GJA5: variants seen among roughly 807,000 people sequenced by gnomAD.
GJA5 encodes gap junction protein alpha 5.
Under a neutral mutation model 7.9 loss-of-function variants are expected in GJA5, and 3 were observed. The observed-to-expected ratio is 0.38, with a 90% CI of 0.17 to 0.99. The LOEUF (loss-of-function observed/expected upper bound fraction) is 0.99. Ranked by LOEUF, GJA5 falls within the 50% of genes least tolerant of loss-of-function variation. The probability of loss-of-function intolerance (pLI) is 0.38; values close to 1 mark genes in which losing one functional copy is unlikely to be tolerated. For synonymous variants in GJA5, 193 were observed against 181.0 expected, an observed-to-expected ratio of 1.07 and a Z score of -0.53; for missense variants, 390 against 457.9, an observed-to-expected ratio of 0.85 and a Z score of 1.35.
intron 1 of GJA5, among the ~76,000 whole-genome samples, chr1:147,770,479 G>A (rs1441595018): frequency 6.6e-6 from 1 of 151,958 alleles, no homozygotes; most frequent in Non-Finnish European, 1.5e-5. Flanking sequence ...ATACCTCCTT[G>A]GAATTATATG....
In GJA5 at chr1:147,758,062, C is replaced by G; in HGVS notation, c.*100G>C. ...AGACCCGGGGCTCAAAGGAGCCAAG[C>G]AGTGATGACAGTGAGAAAGCATCAG... On this transcript the variant is annotated 3_prime_UTR_variant, in exon 2 of 2. Transcript: ENST00000579774. 2 of 860,310 alleles carry G rather than the reference C, an allele frequency of 2.3e-6. No individual in the cohort carries two copies. The highest frequency in any genetic ancestry group is 4.0e-6 in the Non-Finnish European group (2 of 500,456). The allele number at this position is 860,310 out of a possible 1,614,324, so 53.3% of individuals were successfully genotyped here.
chr1:147,757,770 A>G lies in GJA5; in HGVS notation c.*392T>C. On this transcript the variant is annotated 3_prime_UTR_variant, in exon 2 of 2. Transcript: ENST00000579774. ...CTTCCTTGGAGGAGGGAGGGTGATC[A>G]GGTCAAGGAGGTAGGAACTTAGAGA... The G allele has an allele frequency of 8.7e-6, 2 of 229,306 alleles. No individual in the cohort carries two copies. Among genetic ancestry groups the G allele is most frequent in the Non-Finnish European group, 1.7e-5 (2 of 115,798 alleles). 14.2% of individuals were successfully genotyped at this position (229,306 alleles called of 1,614,324 possible). A position where few individuals can be genotyped will look rare whatever the true frequency, so the allele number is the denominator to read the frequency against.
intron 1 of GJA5, among the ~76,000 whole-genome samples, chr1:147,767,837 C>A (rs1481143789): frequency 2.0e-5 from 3 of 152,202 alleles, no homozygotes; most frequent in Non-Finnish European, 4.4e-5. Context: ...GAAGTTCCTT[C>A]TTTGGAAAAT....
chr1:147,756,947 G>C lies in GJA5; in HGVS notation c.*1215C>G, dbSNP rs782435396. 1 of 152,186 alleles carries C rather than the reference G, an allele frequency of 6.6e-6. No homozygotes were observed. The highest frequency in any genetic ancestry group is 2.4e-5 in the African/African-American group (1 of 41,428). The allele number at this position is 152,186 out of a possible 1,614,324, so 9.4% of individuals were successfully genotyped here. ...TCTTTAAATAAAGGCCCTGCCAAGA[G>C]AGCTGGAGATTCCCCTACTATTTCC... On this transcript the variant is annotated 3_prime_UTR_variant, in exon 2 of 2. Transcript: ENST00000579774.
chr1:147,767,678 A>G (rs1472689542), intron 1 of GJA5, among the ~76,000 whole-genome samples: 2 of 151,634 alleles, frequency 1.3e-5, no homozygotes, highest in East Asian at 3.9e-4. Context: ...GATTACAGGC[A>G]TGAGCCACCA....
At position 147,759,067 on chromosome 1, in the gene GJA5, GA is replaced by G. The variant is rs1663880776; in HGVS notation, c.171del (p.Gln58SerfsTer101). 1.2e-6 allele frequency: 2 copies of G among 1,613,348 alleles called. No individual in the cohort carries two copies. Among genetic ancestry groups the G allele is most frequent in the Non-Finnish European group, 1.7e-6 (2 of 1,179,600 alleles). ...TAGCAGACATTCTGGCAGCCAGGCT[GA>G]ATCGTATCACACCGGAAATCAGCCT... ...DEQADFRCDT[I>X]QPGCQNVCYD... On this transcript the variant is annotated frameshift_variant, in exon 2 of 2. Transcript: ENST00000579774. LOFTEE classifies it high-confidence loss of function.
At chr1:147,765,124 C>G (rs1664155332), upstream of GJA5, among the ~76,000 whole-genome samples, 1 of 152,144 alleles carries the variant, frequency 6.6e-6, no homozygotes, top group South Asian at 2.1e-4. Flanking sequence ...TAAAAGCTTA[C>G]ATACTGTTCA....
upstream of GJA5, chr1:147,760,755 C>A (rs983238891): frequency 1.3e-5 from 2 of 152,252 alleles, no homozygotes; most frequent in East Asian, 3.8e-4. Flanking sequence ...GTATCACTTT[C>A]TTAATCTCCT....
upstream of GJA5, among the ~76,000 whole-genome samples, chr1:147,765,339 A>G (rs1664161016): frequency 6.6e-6 from 1 of 152,234 alleles, no homozygotes; most frequent in Non-Finnish European, 1.5e-5. Flanking sequence ...CAAATAAACA[A>G]TTAATGGGGG....
In GJA5 at chr1:147,757,228, G is replaced by GATCT. The variant is rs1443845015; in HGVS notation, c.*930_*933dup. ...AATTCCACTGGCCTCAGTGGCTGAT[G>GATCT]ATCTGGTCAGGGTTCGAGAGAGGAC... On this transcript the variant is annotated 3_prime_UTR_variant, in exon 2 of 2. Coordinates refer to ENST00000579774, the MANE Select transcript of GJA5 (RefSeq NM_181703.4). The GATCT allele has an allele frequency of 6.6e-6, 1 of 152,236 alleles. No homozygotes were observed. Among genetic ancestry groups the GATCT allele is most frequent in the Non-Finnish European group, 1.5e-5 (1 of 68,074 alleles). The allele number at this position is 152,236 out of a possible 1,614,324, so 9.4% of individuals were successfully genotyped here. A position where few individuals can be genotyped will look rare whatever the true frequency, so the allele number is the denominator to read the frequency against.
rs886045251 is a variant in GJA5, at chr1:147,758,897, G to C, written c.342C>G (p.Ala114=). 3.1e-6 allele frequency: 5 copies of C among 1,614,066 alleles called. No individual in the cohort carries two copies. Among genetic ancestry groups the C allele is most frequent in the Non-Finnish European group, 4.2e-6 (5 of 1,180,038 alleles). ...AAGAGCCAGAGCCCCGGACCTCTTT[G>C]GCCCTCTCGGCCTCCCGTAGCTTGC... ...EKRKLREAER[A]KEVRGSGSYE... The change falls in exon 2 of 2, where the codon GCC becomes GCG. Residue 114 remains alanine (A), a synonymous_variant. Coordinates refer to ENST00000579774, the MANE Select transcript of GJA5 (RefSeq NM_181703.4).
At chr1:147,773,122 G>A (rs1266980499) in intron 1 of GJA5, 2 of 152,086 alleles carry the variant, frequency 1.3e-5, no homozygotes, top group African/African-American at 4.8e-5. Context: ...TAGCGGGAGG[G>A]GTAAGGAATA....
upstream of GJA5, among the ~76,000 whole-genome samples, chr1:147,764,612 G>A (rs1553227856): frequency 6.6e-6 from 1 of 152,062 alleles, no homozygotes; most frequent in African/African-American, 2.4e-5. Flanking sequence ...ATCATCTGAG[G>A]TCAGGAGTTT....
At chr1:147,761,130 T>G (rs1663992087), upstream of GJA5, among the ~76,000 whole-genome samples, 5 of 152,194 alleles carry the variant, frequency 3.3e-5, no homozygotes, top group African/African-American at 1.2e-4. Context: ...CCAGAATTCT[T>G]ACTTAGTGAA....
At position 147,758,931 on chromosome 1, in the gene GJA5, T is replaced by C; in HGVS notation, c.308A>G (p.Gln103Arg). 1 of 1,614,224 alleles carries C rather than the reference T, an allele frequency of 6.2e-7. No individual in the cohort carries two copies. The highest frequency in any genetic ancestry group is 8.5e-7 in the Non-Finnish European group (1 of 1,180,028). ...GGCCTCCCGTAGCTTGCGCTTCTCCTGCATGCGCACAGTGTGCATGGCGTG... is the reference window on the plus strand; with the variant it reads ...GGCCTCCCGTAGCTTGCGCTTCTCCCGCATGCGCACAGTGTGCATGGCGTG... ...MGHAMHTVRM[Q>R]EKRKLREAER... is the part of the protein sequence containing the mutation. Residue 103 changes from glutamine to arginine, a missense_variant, in exon 2 of 2, where the codon CAG becomes CGG. Transcript: ENST00000579774.
chr1:147,759,423 C>T (rs1692140), intron 1 of GJA5, among the ~76,000 whole-genome samples, 152 bp from the exon 2 acceptor site: 4,360 of 152,298 alleles, frequency 0.029, 139 homozygotes, highest in African/African-American at 0.082. Flanking sequence ...CAACGAAAAG[C>T]TCGCTCTCCT....
intron 1 of GJA5, among the ~76,000 whole-genome samples, chr1:147,767,712 A>G (rs1261911192): frequency 1.3e-5 from 2 of 151,930 alleles, no homozygotes; most frequent in African/African-American, 4.8e-5. Context: ...ATCTTTTGTT[A>G]CAGGGCTCAG....
chr1:147,772,789 GAAA>G (rs10687653), intron 1 of GJA5, among the ~76,000 whole-genome samples: 2 of 125,946 alleles, frequency 1.6e-5, no homozygotes. Flanking sequence ...GCCTTAGGGA[GAAA>G]AAAAAAAAAA....
At chr1:147,769,373 C>A (rs1380492665) in intron 1 of GJA5, among the ~76,000 whole-genome samples, 1 of 152,166 alleles carries the variant, frequency 6.6e-6, no homozygotes, top group Non-Finnish European at 1.5e-5. Flanking sequence ...GGGCTAGGAC[C>A]CTGCTTGCAT....
Sources: allele counts gnomAD v4.1 joint callset (sites outside exome capture counted in the v4.1 genomes callset), GRCh38; gene constraint gnomAD v4.1.1; transcripts MANE v1.5; gene names NCBI Gene and HGNC (gene_info 2026-07-23, HGNC 2026-07-21).